Variants in GARNL3 observed in about 807,000 individuals in gnomAD.
The protein encoded by GARNL3 is GTPase activating Rap/RanGAP domain like 3.
GARNL3 carries 63 observed loss-of-function variants against 125.0 expected under a neutral mutation model. The observed-to-expected ratio is 0.50, with a 90% CI of 0.41 to 0.62. GARNL3 has a LOEUF of 0.62. Ranked by LOEUF, GARNL3 falls within the 20% of genes least tolerant of loss-of-function variation. The pLI, the probability that GARNL3 is intolerant of heterozygous loss-of-function variation, is 0.00. For synonymous variants in GARNL3, 439 were observed against 457.5 expected (o/e 0.96, Z 0.52); for missense variants, 994 against 1,244.0 (o/e 0.80, Z 3.02).
Position 127,357,272 on chromosome 9 carries a change from T to G in GARNL3, c.1989T>G (p.Ala663=), listed in dbSNP as rs989993546. The G allele has an allele frequency of 1.2e-6, 2 of 1,614,230 alleles. No homozygotes were observed. Residue 663 remains alanine (A), a synonymous_variant, in exon 21 of 28, where the codon GCT becomes GCG. Coordinates refer to ENST00000373387, the MANE Select transcript of GARNL3 (RefSeq NM_032293.5). The stretch of plus-strand genomic sequence containing the variant: ...TGATGACCTTAGTGGATGGGCCAGC[T>G]GAAGAGAGTGACAATCTCATCTGTG... The part of the protein sequence containing the change: ...PMVMTLVDGP[A]EESDNLICVA...
chr9:127,390,506 T>A, intron 26 of GARNL3, 135 bp from the exon 27 acceptor site: 1 of 804,026 alleles, frequency 1.2e-6, no homozygotes. Context: ...AATTTGAAAA[T>A]ATATATTCTA....
At chr9:127,356,060 G>A (rs1428365802) in intron 20 of GARNL3, among the ~76,000 whole-genome samples, 1 of 152,222 alleles carries the variant, frequency 6.6e-6, no homozygotes, top group Non-Finnish European at 1.5e-5. Context: ...GAGAGAACTG[G>A]GAAATATACT....
chr9:127,359,884 A>C (rs1588929330), intron 21 of GARNL3, among the ~76,000 whole-genome samples: 1 of 152,160 alleles, frequency 6.6e-6, no homozygotes, highest in Admixed American at 6.5e-5. Context: ...TGGGTTAAAA[A>C]CCATTTTCTT....
rs142800268 is a variant in GARNL3 at position 127,291,726 on chromosome 9, C to CTTT, written c.219+506_219+508dup. On this transcript the variant is annotated intron_variant, in intron 2 of 27. Coordinates refer to ENST00000373387, the MANE Select transcript of GARNL3 (RefSeq NM_032293.5). Reference sequence around the variant, plus strand: ...CTGCAGGCCACAGGGACTCACCTTGCTTTTTTTTTTTTTTTTTTTTTTTTG... The same window carrying CTTT: ...CTGCAGGCCACAGGGACTCACCTTGCTTTTTTTTTTTTTTTTTTTTTTTTTTTG... Among the ~76,000 whole-genome samples, 48 of 59,262 alleles carry CTTT rather than the reference C, an allele frequency of 8.1e-4. 2 individuals are homozygous for CTTT. Among genetic ancestry groups the CTTT allele is most frequent in the African/African-American group, 2.7e-3 (39 of 14,370 alleles). The allele number at this position is 59,262 out of a possible 152,430, so 38.9% of individuals were successfully genotyped here.
intron 21 of GARNL3, among the ~76,000 whole-genome samples, chr9:127,360,124 G>A (rs537931953): frequency 6.6e-6 from 1 of 152,178 alleles, no homozygotes; most frequent in East Asian, 1.9e-4. Context: ...TGGTTCATGC[G>A]ATTCTCCTGC....
At chr9:127,372,989 A>C (rs942102942) in intron 22 of GARNL3, among the ~76,000 whole-genome samples, 1 of 152,232 alleles carries the variant, frequency 6.6e-6, no homozygotes, top group Non-Finnish European at 1.5e-5. Flanking sequence ...GTCCTTGAGA[A>C]TATGCATAGA....
At chr9:127,248,303 T>C (rs1463224238) in intron 2 of GARNL3, among the ~76,000 whole-genome samples, 6 of 152,198 alleles carry the variant, frequency 3.9e-5, no homozygotes, top group Non-Finnish European at 8.8e-5. Context: ...AGCTTGTGTA[T>C]TACTTCGCCT....
intron 2 of GARNL3, among the ~76,000 whole-genome samples, chr9:127,299,296 A>G (rs2064706376): frequency 7.4e-6 from 1 of 134,802 alleles, no homozygotes; most frequent in South Asian, 2.7e-4. Flanking sequence ...CAACAGTGCG[A>G]GACTCCGTCT....
In GARNL3 at chr9:127,266,652, G is replaced by A. The variant is rs1483746640; in HGVS notation, c.144+1631G>A. 6.6e-6 allele frequency among the ~76,000 whole-genome samples: 1 copy of A among 152,176 alleles called. No homozygotes were observed. The highest frequency in any genetic ancestry group is 2.4e-5 in the African/African-American group (1 of 41,436). Reference sequence around the variant, plus strand: ...ATATTTCTGTTATCTACCTTAGAGGGTTGTTATGAGGATTAAATGAGATCA... The same window carrying A: ...ATATTTCTGTTATCTACCTTAGAGGATTGTTATGAGGATTAAATGAGATCA... On this transcript the variant is annotated intron_variant, in intron 1 of 27. Transcript: ENST00000373387. The surrounding 1 kb of genome is among the most constrained non-coding windows in gnomAD (Gnocchi z 4.0).
intron 26 of GARNL3, among the ~76,000 whole-genome samples, chr9:127,389,468 A>G (rs1204384277): frequency 1.3e-5 from 2 of 152,238 alleles, no homozygotes; most frequent in Non-Finnish European, 2.9e-5. Context: ...TTTATATCCC[A>G]CAGTCCTCAG....
chr9:127,389,130 T>C lies in GARNL3; in HGVS notation c.2743+11T>C, dbSNP rs1207752209. 1.3e-6 allele frequency: 2 copies of C among 1,592,054 alleles called. No homozygotes were observed. The highest frequency in any genetic ancestry group is 3.3e-5 in the Admixed American group (2 of 59,868). On this transcript the variant is annotated intron_variant, in intron 26 of 27. Transcript: ENST00000373387. ...GCAGGGAACTACTGGGTAATGGTTC[T>C]CAATCCTGGTTTCCACTGTCTGTGA...
chr9:127,383,018 C>T lies in GARNL3; in HGVS notation c.2162-420C>T, dbSNP rs1263979575. On this transcript the variant is annotated intron_variant, in intron 22 of 27. Transcript: ENST00000373387. ...AGGGCATAGGCATTCAGCACACGGG[C>T]TCTGCAGTCACGCAGACCTGTGTTC... Among the ~76,000 whole-genome samples the T allele has an allele frequency of 2.6e-5, 4 of 152,210 alleles. No individual in the cohort carries two copies. In the East Asian group the frequency reaches 7.7e-4, roughly 29 times the overall value.
At chr9:127,376,042 C>G (rs752170250) in intron 22 of GARNL3, among the ~76,000 whole-genome samples, 2 of 152,144 alleles carry the variant, frequency 1.3e-5, no homozygotes, top group Admixed American at 6.5e-5. Flanking sequence ...TCACTGCAAC[C>G]CCTGCTTCTG....
At chr9:127,225,569 GC>G (rs2062893190) in intron 1 of GARNL3, among the ~76,000 whole-genome samples, 1 of 151,610 alleles carries the variant, frequency 6.6e-6, no homozygotes, top group Non-Finnish European at 1.5e-5. Context: ...TGTGGGAGGG[GC>G]CGGGCCGTCG....
Position 127,385,211 on chromosome 9 carries a change from G to A in GARNL3, c.2388+66G>A, listed in dbSNP as rs1832481481. ...ACCCCGGCACTGTGGGATTTCAGGT[G>A]AGCACAGAAGCCGCCTCTTGTCAAG... is the stretch of plus-strand genomic sequence containing the variant. On this transcript the variant is annotated intron_variant, in intron 24 of 27. Coordinates refer to ENST00000373387, the MANE Select transcript of GARNL3 (RefSeq NM_032293.5). The surrounding 1 kb of genome is among the most constrained non-coding windows in gnomAD (Gnocchi z 4.1). 3 of 933,216 alleles carry A rather than the reference G, an allele frequency of 3.2e-6. No individual in the cohort carries two copies. Among genetic ancestry groups the A allele is most frequent in the Middle Eastern group, 2.7e-4 (1 of 3,726 alleles). 57.8% of individuals were successfully genotyped at this position (933,216 alleles called of 1,614,324 possible).
rs964080893 is a variant in GARNL3, at chr9:127,389,258, A to G, written c.2743+139A>G. On this transcript the variant is annotated intron_variant, in intron 26 of 27. Coordinates refer to ENST00000373387, the MANE Select transcript of GARNL3 (RefSeq NM_032293.5). ...AAGGGATTTTTAAGTAAGTTCTAAT[A>G]CCTCTATACCAAGGAATACACTATA... 6 of 631,484 alleles carry G rather than the reference A, an allele frequency of 9.5e-6. No homozygotes were observed. In the East Asian group the frequency reaches 1.4e-4, roughly 14 times the overall value. The allele number at this position is 631,484 out of a possible 1,614,324, so 39.1% of individuals were successfully genotyped here. A position where few individuals can be genotyped will look rare whatever the true frequency, so the allele number is the denominator to read the frequency against.
At chr9:127,366,452 G>A (rs1026846898) in intron 22 of GARNL3, among the ~76,000 whole-genome samples, 3 of 152,182 alleles carry the variant, frequency 2.0e-5, no homozygotes, top group Non-Finnish European at 2.9e-5. Flanking sequence ...CATGGGCCAG[G>A]CCACTGCCAC....
upstream of GARNL3, among the ~76,000 whole-genome samples, chr9:127,262,150 C>T (rs1159742547): frequency 6.6e-6 from 1 of 152,206 alleles, no homozygotes; most frequent in Non-Finnish European, 1.5e-5. Flanking sequence ...TAGGGTGTTG[C>T]TATTGCGGCA....
chr9:127,352,030 A>G (rs1023452472), intron 17 of GARNL3, among the ~76,000 whole-genome samples: 2 of 152,202 alleles, frequency 1.3e-5, no homozygotes, highest in Non-Finnish European at 1.5e-5. Flanking sequence ...GCAGCTGTAC[A>G]ATGTATACCT....
Sources: allele counts gnomAD v4.1 joint callset (sites outside exome capture counted in the v4.1 genomes callset), GRCh38; gene constraint gnomAD v4.1.1; non-coding constraint Gnocchi (gnomAD v3.1); transcripts MANE v1.5; gene names NCBI Gene and HGNC (gene_info 2026-07-23, HGNC 2026-07-21).